TTN: variants seen among roughly 807,000 people sequenced by gnomAD.
TTN encodes the protein titin, also known as connectin.
Under a neutral mutation model 3,223.0 loss-of-function variants are expected in TTN, and 1,525 were observed. The observed-to-expected ratio is 0.47, with a 90% CI of 0.45 to 0.49. The LOEUF is 0.49. Ranked by LOEUF, TTN falls within the 20% of genes least tolerant of loss-of-function variation. The pLI is 0.00. For missense variants in TTN, 40,786 were observed against 43,424.0 expected, an observed-to-expected ratio of 0.94 and a Z score of 5.40; for synonymous variants, 14,094 against 15,161.0, an observed-to-expected ratio of 0.93 and a Z score of 5.17.
Position 178,705,260 on chromosome 2 carries a change from G to A in TTN, c.29518C>T (p.Arg9840Cys), listed in dbSNP as rs369990929. Residue 9840 changes from arginine (R) to cysteine (C), a missense_variant, in exon 103 of 363, where the codon CGC becomes TGC. Transcript: ENST00000589042. ...CGGAAGTCAGTGATTCCATACATGCGGGCATATTTTTCATATTCTTTAGGA... is the reference window on the plus strand; with the variant it reads ...CGGAAGTCAGTGATTCCATACATGCAGGCATATTTTTCATATTCTTTAGGA... ...VDPKEYEKYA[R>C]MYGITDFRGL... 8.1e-6 allele frequency: 13 copies of A among 1,613,316 alleles called. No homozygotes were observed. Among genetic ancestry groups the A allele is most frequent in the South Asian group, 3.3e-5 (3 of 90,982 alleles).
In TTN at chr2:178,611,668, G is replaced by A; in HGVS notation, c.50561C>T (p.Ser16854Leu). Reference protein sequence around the residue: ...LSIEDPTSPPSPPLDLHVTDA... With the variant: ...LSIEDPTSPPLPPLDLHVTDA... The stretch of plus-strand genomic sequence containing the variant: ...AGTCACATGTAGGTCAAGGGGTGGT[G>A]AGGGAGGACCTGAGAAAAGAGTGAA... The change falls in exon 269 of 363, where the codon TCA (serine) becomes TTA (leucine). Residue 16854 changes from serine to leucine, a missense_variant. Coordinates refer to ENST00000589042, the MANE Select transcript of TTN (RefSeq NM_001267550.2). 1.2e-6 allele frequency: 2 copies of A among 1,612,812 alleles called. No homozygotes were observed. Among genetic ancestry groups the A allele is most frequent in the Non-Finnish European group, 1.7e-6 (2 of 1,179,282 alleles).
chr2:178,743,895 A>G (rs2082951768), intron 47 of TTN, among the ~76,000 whole-genome samples: 1 of 152,012 alleles, frequency 6.6e-6, no homozygotes, highest in African/African-American at 2.4e-5. Flanking sequence ...ACAATAGTGT[A>G]TCTATGCTGA....
At chr2:178,685,162 A>T (rs963928923) in intron 129 of TTN, 91 bp downstream of exon 129, 142 of 1,251,770 alleles carry the variant, frequency 1.1e-4, no homozygotes, top group Non-Finnish European at 1.5e-4. Flanking sequence ...AGTTATGCAA[A>T]TTGTTATGCA....
chr2:178,528,651 A>G lies in TTN; in HGVS notation c.107100T>C (p.Asp35700=). The part of the protein sequence containing the change: ...YDLTLSKELS[D]APAFISQPRS... ...TAGGCTGTGAGATGAAGGCTGGAGC[A>G]TCTGAGAGTTCTTTGCTCAGTGTCA... Residue 35700 remains aspartate, a synonymous_variant, in exon 360 of 363, where the codon GAT becomes GAC. Coordinates refer to ENST00000589042, the MANE Select transcript of TTN (RefSeq NM_001267550.2). 1.9e-6 allele frequency: 3 copies of G among 1,613,174 alleles called. No homozygotes were observed. The highest frequency in any genetic ancestry group is 1.1e-5 in the South Asian group (1 of 90,938).
chr2:178,678,862 A>T (rs576866299), intron 142 of TTN, 32 bp from the exon 143 acceptor site: 2 of 1,549,226 alleles, frequency 1.3e-6, no homozygotes, highest in Non-Finnish European at 1.7e-6. Flanking sequence ...TTAGTGTCAC[A>T]TTTTTTACCC....
rs777602537 is a variant in TTN at position 178,576,614 on chromosome 2, G to A, written c.69630C>T (p.Tyr23210=). The A allele has an allele frequency of 2.3e-5, 37 of 1,613,420 alleles. No homozygotes were observed. In the Middle Eastern group the frequency reaches 4.9e-4, roughly 22 times the overall value. ...KVTGLQEGST[Y]EFRVSAENRA... ...TGTTTTCTGCACTGACACGGAATTC[G>A]TAGGTGCTTCCTTCTTGCAGTCCTG... is the stretch of plus-strand genomic sequence containing the variant. The change falls in exon 325 of 363, where the codon TAC becomes TAT. Residue 23210 remains tyrosine, a synonymous_variant. Coordinates refer to ENST00000589042, the MANE Select transcript of TTN (RefSeq NM_001267550.2). The surrounding 1 kb of genome is among the most constrained non-coding windows in gnomAD (Gnocchi z 4.3).
In TTN at chr2:178,731,672, C is replaced by G. The variant is rs746221090; in HGVS notation, c.17182+21G>C. On this transcript the variant is annotated intron_variant, in intron 58 of 362. Coordinates refer to ENST00000589042, the MANE Select transcript of TTN (RefSeq NM_001267550.2). Reference sequence around the variant, plus strand: ...ATTGACTCTTCAGAAAAGCCAGTCCCTCACTGGAACCAACACTAACCTCTT... The same window carrying G: ...ATTGACTCTTCAGAAAAGCCAGTCCGTCACTGGAACCAACACTAACCTCTT... 2.5e-6 allele frequency: 4 copies of G among 1,592,156 alleles called. No individual in the cohort carries two copies. In the Admixed American group the frequency reaches 5.2e-5, roughly 21 times the overall value.
rs72648990 is a variant in TTN, at chr2:178,714,130, G to C, written c.26528C>G (p.Thr8843Arg). ...VEKPESIKVT[T>R]GDTCTLECTV... ...ACACTCCAAGGTACAGGTGTCTCCC[G>C]TGGTAACTTTTATGGATTCTGGCTT... Residue 8843 changes from threonine to arginine, a missense_variant, in exon 92 of 363, where the codon ACG (threonine) becomes AGG (arginine). Thr to Arg is a moderately conservative substitution (Grantham distance 71). Coordinates refer to ENST00000589042, the MANE Select transcript of TTN (RefSeq NM_001267550.2). 1.9e-6 allele frequency: 3 copies of C among 1,613,490 alleles called. No homozygotes were observed. In the East Asian group the frequency reaches 6.7e-5, roughly 36 times the overall value.
rs1318881008 is a variant in TTN, at chr2:178,691,997, A to G, written c.31762+19T>C. ...GGCACTTGGAGCAAAGAGTCTCCCCATCATTGGCTCTGGCGTACCTTTTGG... is the reference window on the plus strand; with the variant it reads ...GGCACTTGGAGCAAAGAGTCTCCCCGTCATTGGCTCTGGCGTACCTTTTGG... On this transcript the variant is annotated intron_variant, in intron 121 of 362. Transcript: ENST00000589042. 2 of 1,604,730 alleles carry G rather than the reference A, an allele frequency of 1.2e-6. No individual in the cohort carries two copies. Among genetic ancestry groups the G allele is most frequent in the East Asian group, 2.2e-5 (1 of 44,796 alleles).
chr2:178,795,786 T>TC (rs2093737922), intron 6 of TTN, among the ~76,000 whole-genome samples: 2 of 152,172 alleles, frequency 1.3e-5, no homozygotes, highest in Non-Finnish European at 2.9e-5. Flanking sequence ...CTTGTGAATT[T>TC]CCAGGACAGG....
At position 178,782,430 on chromosome 2, in the gene TTN, G is replaced by C. The variant is rs1310643032; in HGVS notation, c.3165-3C>G. The C allele has an allele frequency of 6.2e-7, 1 of 1,614,032 alleles. No individual in the cohort carries two copies. The highest frequency in any genetic ancestry group is 1.1e-5 in the South Asian group (1 of 91,070). The stretch of plus-strand genomic sequence containing the variant: ...CCACATCTCTTGACTCAACAAAGCT[G>C]GAAAGAGAATTCCCCTCATATTAGC... On this transcript the variant is annotated splice_polypyrimidine_tract_variant and splice_region_variant and intron_variant, in intron 19 of 362. Transcript: ENST00000589042.
Position 178,585,298 on chromosome 2 carries a change from T to G in TTN, c.64446A>C (p.Lys21482Asn), listed in dbSNP as rs1232234781. 6.2e-7 allele frequency: 1 copy of G among 1,611,256 alleles called. No homozygotes were observed. Among genetic ancestry groups the G allele is most frequent in the Non-Finnish European group, 8.5e-7 (1 of 1,178,580 alleles). Residue 21482 changes from lysine to asparagine, a missense_variant, in exon 309 of 363, where the codon AAA (lysine) becomes AAC (asparagine). By Grantham distance (94) the Lys-to-Asn change is moderately conservative. Coordinates refer to ENST00000589042, the MANE Select transcript of TTN (RefSeq NM_001267550.2). ...ACACATGGGCTTCAATTCGGAGTTT[T>G]TTCCCAGCTTTGATAGTTATTTGCT... ...MPEQITIKAG[K>N]KLRIEAHVYG...
In TTN at chr2:178,542,666, AATG is replaced by A. The variant is rs1415724071; in HGVS notation, c.97185_97187del (p.Ile32396del). The A allele has an allele frequency of 4.3e-6, 7 of 1,611,002 alleles. No individual in the cohort carries two copies. The highest frequency in any genetic ancestry group is 1.7e-4 in the Middle Eastern group (1 of 6,040). ...ATCTTTGTCACACATCCTTACCAAG[AATG>A]ATAACTTTAATGGTTTCTGAAGTAG... On this transcript the variant is annotated inframe_deletion, in exon 348 of 363. Transcript: ENST00000589042.
Position 178,705,534 on chromosome 2 carries a change from T to G in TTN, c.29421-177A>C, listed in dbSNP as rs754781734. Among the ~76,000 whole-genome samples the G allele has an allele frequency of 2.3e-4, 35 of 152,014 alleles. 1 individual carries two copies. Among genetic ancestry groups the G allele is most frequent in the Admixed American group, 2.1e-3 (32 of 15,244 alleles). ...TAAAAATGTGGGTTTGGAGATGGAG[T>G]CGATTAAGATCAGATGGATTAGGAC... On this transcript the variant is annotated intron_variant, in intron 102 of 362. Coordinates refer to ENST00000589042, the MANE Select transcript of TTN (RefSeq NM_001267550.2).
Position 178,592,611 on chromosome 2 carries a change from A to C in TTN, c.59394T>G (p.Ile19798Met), listed in dbSNP as rs772501285. The C allele has an allele frequency of 6.2e-7, 1 of 1,613,428 alleles. No individual in the cohort carries two copies. Among genetic ancestry groups the C allele is most frequent in the South Asian group, 1.1e-5 (1 of 91,054 alleles). Residue 19798 changes from isoleucine to methionine, a missense_variant, in exon 301 of 363, where the codon ATT (isoleucine) becomes ATG (methionine). Transcript: ENST00000589042. ...TAAGTCTTAGAGTATCACCAACTTT[A>C]ATGTGTTGTTCTCTTGCCATGTTGG... The part of the protein sequence containing the change: ...LDANMAREQH[I>M]KVGDTLRLSA...
In TTN at chr2:178,747,584, TC is replaced by T. The variant is rs776309722; in HGVS notation, c.11311+5539del. On this transcript the variant is annotated intron_variant, in intron 47 of 362. Transcript: ENST00000589042. ...AGTGTTGAAAGTTACTTCTTCCACC[TC>T]CATTGAAGTGATTGATTCACTCTGG... is the stretch of plus-strand genomic sequence containing the variant. The T allele has an allele frequency of 3.7e-6, 6 of 1,613,256 alleles. No homozygotes were observed. The South Asian group carries it at 5.5e-5, about 15-fold the overall frequency.
intron 22 of TTN, chr2:178,779,689 G>T: frequency 3.7e-6 from 2 of 537,894 alleles, no homozygotes. Flanking sequence ...TTGGGTTAGA[G>T]GTTACATTAG....
chr2:178,618,569 G>A lies in TTN; in HGVS notation c.46966+15C>T. 6.2e-7 allele frequency: 1 copy of A among 1,608,538 alleles called. No homozygotes were observed. The highest frequency in any genetic ancestry group is 8.5e-7 in the Non-Finnish European group (1 of 1,178,252). On this transcript the variant is annotated intron_variant, in intron 251 of 362. Transcript: ENST00000589042. Reference sequence around the variant, plus strand: ...TGTGCTTTGCCAATTAAGTCTGAGAGACCCAAGGGCTTACCAATAACTTTT... The same window carrying A: ...TGTGCTTTGCCAATTAAGTCTGAGAAACCCAAGGGCTTACCAATAACTTTT...
rs1323290836 is a variant in TTN, at chr2:178,565,114, G to A, written c.81018C>T (p.Ser27006=). 2 of 1,613,388 alleles carry A rather than the reference G, an allele frequency of 1.2e-6. No homozygotes were observed. The highest frequency in any genetic ancestry group is 2.7e-5 in the African/African-American group (2 of 74,884). ...TATCTCGCTTCTCTACAATGTAGTT[G>A]CTTATTTGGCAGCCACCAGTATAGG... is the stretch of plus-strand genomic sequence containing the variant. ...PPAYTGGCQI[S]NYIVEKRDTT... Residue 27006 remains serine, a synonymous_variant, in exon 326 of 363, where the codon AGC becomes AGT. Transcript: ENST00000589042.
Sources: allele counts gnomAD v4.1 joint callset (sites outside exome capture counted in the v4.1 genomes callset), GRCh38; gene constraint gnomAD v4.1.1; non-coding constraint Gnocchi (gnomAD v3.1); transcripts MANE v1.5; gene names NCBI Gene and HGNC (gene_info 2026-07-23, HGNC 2026-07-21).